The following UST variants were observed in gnomAD, a reference collection of about 807,000 sequenced individuals.
UST encodes the protein chondroitin sulfate 2-O-sulfotransferase.
Under a neutral mutation model 45.6 loss-of-function variants are expected in UST, and 21 were observed. That is an observed-to-expected ratio of 0.46 (90% confidence interval 0.33 to 0.66). UST has a LOEUF of 0.66. Among genes scored for constraint, UST ranks in the 30% least tolerant of loss-of-function variants. The pLI is 0.02. For synonymous variants in UST, 215 were observed against 200.6 expected (o/e 1.07, Z -0.61); for missense variants, 463 against 512.4 (o/e 0.90, Z 0.93).
chr6:148,838,379 G>A (rs1777829360), intron 1 of UST, among the ~76,000 whole-genome samples: 1 of 152,242 alleles, frequency 6.6e-6, no homozygotes, highest in South Asian at 2.1e-4. Flanking sequence ...AGCTAGGAAT[G>A]TGAGGTTTCC....
At chr6:148,912,445 AAAGTCTGTACTTTG>A (rs1779495072) in intron 2 of UST, among the ~76,000 whole-genome samples, 1 of 152,262 alleles carries the variant, frequency 6.6e-6, no homozygotes, top group Admixed American at 6.5e-5. Context: ...ATGCTTCGTT[AAAGTCTGTACTTTG>A]AAGAGTTTCA....
At chr6:149,055,024 G>T (rs938709707) in intron 7 of UST, among the ~76,000 whole-genome samples, 5 of 152,138 alleles carry the variant, frequency 3.3e-5, no homozygotes, top group African/African-American at 1.2e-4. Context: ...TCTTAGTGAG[G>T]GGACTCAATC....
At chr6:148,988,715 C>G (rs988953383) in intron 5 of UST, among the ~76,000 whole-genome samples, 2 of 152,092 alleles carry the variant, frequency 1.3e-5, no homozygotes, top group Non-Finnish European at 1.5e-5. Context: ...GCTGTAGATT[C>G]CTACAACATG....
chr6:148,960,817 C>G (rs1310707547), intron 4 of UST, among the ~76,000 whole-genome samples: 1 of 152,180 alleles, frequency 6.6e-6, no homozygotes, highest in African/African-American at 2.4e-5. Flanking sequence ...TCTTAATTCT[C>G]CGGGATAATT....
rs1025507518 is a variant in UST, at chr6:148,747,167, GCGGGCGCCGGA to G, written c.-256_-246del. On this transcript the variant is annotated 5_prime_UTR_variant, in exon 1 of 8. Coordinates refer to ENST00000367463, the MANE Select transcript of UST (RefSeq NM_005715.3). ...CGGGGCGCGGGGCGTGGGGACGCTA[GCGGGCGCCGGA>G]CGGGCGCGGCGCCCCGTCACGGGCA... Among the ~76,000 whole-genome samples, 7 of 149,302 alleles carry G rather than the reference GCGGGCGCCGGA, an allele frequency of 4.7e-5. No individual in the cohort carries two copies. The highest frequency in any genetic ancestry group is 6.7e-5 in the Admixed American group (1 of 14,994).
intron 1 of UST, among the ~76,000 whole-genome samples, chr6:148,846,684 G>A (rs1777998526): frequency 6.6e-6 from 1 of 152,218 alleles, no homozygotes; most frequent in South Asian, 2.1e-4. Context: ...CAGGAAACAT[G>A]TACCATTCAT....
At chr6:148,953,113 G>A (rs1780398938) in intron 3 of UST, among the ~76,000 whole-genome samples, 1 of 152,064 alleles carries the variant, frequency 6.6e-6, no homozygotes, top group African/African-American at 2.4e-5. Context: ...TAAATTTCAT[G>A]GTCAAGGAGC....
chr6:149,062,816 T>A lies in UST; in HGVS notation c.938-11017T>A, dbSNP rs913845417. 3.9e-4 allele frequency among the ~76,000 whole-genome samples: 60 copies of A among 152,136 alleles called. 1 individual carries two copies. Among genetic ancestry groups the A allele is most frequent in the Admixed American group, 3.3e-3 (51 of 15,282 alleles). On this transcript the variant is annotated intron_variant, in intron 7 of 7. Transcript: ENST00000367463. ...TGACCTCTGGGGCCCTTGGTATCTG[T>A]AAGTAAAATGGGTACTGGGAAGATT...
In UST at chr6:148,862,057, A is replaced by G. The variant is rs1284220365; in HGVS notation, c.248-24929A>G. 2.0e-5 allele frequency among the ~76,000 whole-genome samples: 3 copies of G among 151,896 alleles called. No homozygotes were observed. In the South Asian group the frequency reaches 6.2e-4, roughly 32 times the overall value. On this transcript the variant is annotated intron_variant, in intron 1 of 7. Transcript: ENST00000367463. ...GTTCAATTCCTGGATATCCCTATTA[A>G]CTTTCTGTCTCATGGATCTGTCTAA...
chr6:148,913,742 T>C (rs932120539), intron 2 of UST, among the ~76,000 whole-genome samples: 1 of 152,200 alleles, frequency 6.6e-6, no homozygotes, highest in Non-Finnish European at 1.5e-5. Context: ...GAAAGTCATT[T>C]TATCAAACCA....
chr6:148,946,380 G>A (rs1203537837), intron 3 of UST, among the ~76,000 whole-genome samples: 1 of 151,418 alleles, frequency 6.6e-6, no homozygotes. Context: ...GCGTGGTGGT[G>A]CACGCCTGTA....
At chr6:148,876,388 T>C (rs1481989732) in intron 1 of UST, among the ~76,000 whole-genome samples, 3 of 152,160 alleles carry the variant, frequency 2.0e-5, no homozygotes, top group Non-Finnish European at 4.4e-5. Context: ...ACTATATCAA[T>C]ATATTTAATT....
intron 2 of UST, among the ~76,000 whole-genome samples, chr6:148,894,842 G>A (rs1460161627): frequency 9.1e-6 from 1 of 110,378 alleles, no homozygotes; most frequent in Non-Finnish European, 1.7e-5. Context: ...TTTTTGAGAT[G>A]GAGTCTCGCT....
At chr6:148,765,601 G>A (rs989067974) in intron 1 of UST, among the ~76,000 whole-genome samples, 5 of 152,168 alleles carry the variant, frequency 3.3e-5, no homozygotes, top group Non-Finnish European at 5.9e-5. Flanking sequence ...CTCAGCTTAC[G>A]AAGATGATGG....
intron 1 of UST, among the ~76,000 whole-genome samples, chr6:148,871,928 C>T (rs1418882240): frequency 6.6e-6 from 1 of 152,164 alleles, no homozygotes; most frequent in African/African-American, 2.4e-5. Context: ...CACTATTAAC[C>T]AGCCGTGTGT....
At chr6:148,984,101 T>A (rs1781191850) in intron 5 of UST, among the ~76,000 whole-genome samples, 1 of 152,216 alleles carries the variant, frequency 6.6e-6, no homozygotes, top group Admixed American at 6.5e-5. Context: ...ATTATATACA[T>A]CATGTGCATA....
intron 5 of UST, among the ~76,000 whole-genome samples, chr6:149,017,799 TACAC>T (rs10533222): frequency 0.2 from 29,205 of 148,734 alleles, 3,172 homozygotes; most frequent in Admixed American, 0.34. Context: ...TATCCATATA[TACAC>T]ACACACACAC....
chr6:148,797,181 G>T (rs936636461), intron 1 of UST, among the ~76,000 whole-genome samples: 6 of 152,142 alleles, frequency 3.9e-5, no homozygotes, highest in African/African-American at 1.4e-4. Flanking sequence ...GGAGGCTGAG[G>T]TGGGAGGAGC....
intron 1 of UST, among the ~76,000 whole-genome samples, chr6:148,784,501 C>CCAAAAGGGAAGCTATATCAGG (rs1776702533): frequency 6.6e-6 from 1 of 152,206 alleles, no homozygotes; most frequent in Non-Finnish European, 1.5e-5. Context: ...GAACTGTCTC[C>CCAAAAGGGAAGCTATATCAGG]CAAAAGGGAA....
Sources: gnomAD v4.1 joint callset for allele counts (sites outside exome capture counted in the v4.1 genomes callset) on GRCh38, gnomAD v4.1.1 for gene constraint, MANE v1.5 for transcripts, NCBI Gene and HGNC (gene_info 2026-07-23, HGNC 2026-07-21) for gene names.